SIGLEC14: variants seen among roughly 807,000 people sequenced by gnomAD.
SIGLEC14 encodes the protein sialic acid-binding Ig-like lectin 14.
Under a neutral mutation model 34.2 loss-of-function variants are expected in SIGLEC14, and 11 were observed. The ratio of observed to expected loss-of-function variants is 0.32; its 90% CI spans 0.20 to 0.53. The LOEUF is 0.53. Ranked by LOEUF, SIGLEC14 falls within the 20% of genes least tolerant of loss-of-function variation. The pLI, the probability that SIGLEC14 is intolerant of heterozygous loss-of-function variation, is 0.95. For missense variants in SIGLEC14, 264 were observed against 439.0 expected (o/e 0.60, Z 3.56); for synonymous variants, 99 against 179.7 (o/e 0.55, Z 3.59).
In SIGLEC14 at chr19:51,641,964, T is replaced by C. The variant is rs751373208; in HGVS notation, c.*1391A>G. 7.6e-6 allele frequency among the ~76,000 whole-genome samples: 1 copy of C among 132,126 alleles called. No homozygotes were observed. The highest frequency in any genetic ancestry group is 1.6e-5 in the Non-Finnish European group (1 of 63,236). 86.7% of individuals were successfully genotyped at this position (132,126 alleles called of 152,430 possible). A position where few individuals can be genotyped will look rare whatever the true frequency, so the allele number is the denominator to read the frequency against. ...AAGTTAAAAAAAATCATATCAAGCA[T>C]GTGTATTTATTAAAATGGAACTTAA... On this transcript the variant is annotated 3_prime_UTR_variant, in exon 7 of 7. Transcript: ENST00000360844.
Position 51,639,660 on chromosome 19 carries a change from T to C in SIGLEC14, c.*3695A>G, listed in dbSNP as rs762935772. The C allele has an allele frequency of 5.7e-5, 8 of 139,144 alleles. 2 individuals carry two copies. Among genetic ancestry groups the C allele is most frequent in the Non-Finnish European group, 9.2e-5 (6 of 64,962 alleles). 8.6% of individuals were successfully genotyped at this position (139,144 alleles called of 1,614,324 possible). A position where few individuals can be genotyped will look rare whatever the true frequency, so the allele number is the denominator to read the frequency against. ...CCTTCTGTTTCTTTTATGAGAACAC[T>C]AATCCCATTCATGAAGGATGGCACC... On this transcript the variant is annotated 3_prime_UTR_variant, in exon 7 of 7. Transcript: ENST00000360844.
Position 51,641,801 on chromosome 19 carries a change from G to A in SIGLEC14, c.*1554C>T, listed in dbSNP as rs1983911314. Among the ~76,000 whole-genome samples the A allele has an allele frequency of 7.2e-6, 1 of 138,996 alleles. No individual in the cohort carries two copies. Among genetic ancestry groups the A allele is most frequent in the South Asian group, 2.4e-4 (1 of 4,094 alleles). The allele number at this position is 138,996 out of a possible 152,430, so 91.2% of individuals were successfully genotyped here. On this transcript the variant is annotated 3_prime_UTR_variant, in exon 7 of 7. Transcript: ENST00000360844. ...CACTGGGGCCTTTCAAAGGGTGGAAGGTGGGAGGAGGGAGAGGATGAGGAA... is the reference window on the plus strand; with the variant it reads ...CACTGGGGCCTTTCAAAGGGTGGAAAGTGGGAGGAGGGAGAGGATGAGGAA...
chr19:51,644,829 T>C (rs1218082855), intron 4 of SIGLEC14, among the ~76,000 whole-genome samples: 1 of 136,658 alleles, frequency 7.3e-6, no homozygotes, highest in Non-Finnish European at 1.6e-5. Flanking sequence ...TATAAAGTTG[T>C]GGGAGGCATC....
At chr19:51,643,483 G>GGGGGGGGCCCCCCCCCCC in intron 6 of SIGLEC14, 54 bp downstream of exon 6, 1 of 1,297,878 alleles carries the variant, frequency 7.7e-7, no homozygotes, top group Non-Finnish European at 1.0e-6. Context: ...GGGCAGGACA[G>GGGGGGGGCCCCCCCCCCC]CTCAGCCCCA....
In SIGLEC14 at chr19:51,646,511, A is replaced by C; in HGVS notation, c.167T>G (p.Leu56Arg). Residue 56 changes from leucine (L) to arginine (R), a missense_variant, in exon 2 of 7, where the codon CTC becomes CGC. By Grantham distance (102) the Leu-to-Arg change is moderately radical. Transcript: ENST00000360844. ...PWRSWYSSPP[L>R]YVYWFRDGEI... ...CCCGTCCCGGAACCAGTAGACGTAGAGTGGGGGAGAGGAATACCAGGATCT... is the reference window on the plus strand; with the variant it reads ...CCCGTCCCGGAACCAGTAGACGTAGCGTGGGGGAGAGGAATACCAGGATCT... The C allele has an allele frequency of 1.7e-6, 1 of 573,292 alleles. No homozygotes were observed. The highest frequency in any genetic ancestry group is 2.7e-6 in the Non-Finnish European group (1 of 366,600). 35.5% of individuals were successfully genotyped at this position (573,292 alleles called of 1,614,324 possible). A position where few individuals can be genotyped will look rare whatever the true frequency, so the allele number is the denominator to read the frequency against.
At chr19:51,645,398 G>A (rs1984009418) in intron 4 of SIGLEC14, 79 bp downstream of exon 4, 1 of 1,277,130 alleles carries the variant, frequency 7.8e-7, no homozygotes, top group Non-Finnish European at 1.1e-6. Flanking sequence ...GGTGAGGGAG[G>A]GTCTCCTCTC....
In SIGLEC14 at chr19:51,644,213, C is replaced by T. The variant is rs1321004941; in HGVS notation, c.755-177G>A. ...GGTCAGGCTACCAGAAAGAAGGTGG[C>T]TGAGCTGAGAAAAGACAGATGAGGA... On this transcript the variant is annotated intron_variant, in intron 4 of 6. Coordinates refer to ENST00000360844, the MANE Select transcript of SIGLEC14 (RefSeq NM_001098612.3). Among the ~76,000 whole-genome samples, 6 of 138,408 alleles carry T rather than the reference C, an allele frequency of 4.3e-5. 2 individuals carry two copies. Among genetic ancestry groups the T allele is most frequent in the African/African-American group, 1.7e-4 (6 of 36,316 alleles). The allele number at this position is 138,408 out of a possible 152,430, so 90.8% of individuals were successfully genotyped here.
rs541126419 is a variant in SIGLEC14 at position 51,641,653 on chromosome 19, G to T, written c.*1702C>A. 1.4e-5 allele frequency among the ~76,000 whole-genome samples: 2 copies of T among 139,288 alleles called. No individual in the cohort carries two copies. Among genetic ancestry groups the T allele is most frequent in the Non-Finnish European group, 3.1e-5 (2 of 64,986 alleles). The allele number at this position is 139,288 out of a possible 152,430, so 91.4% of individuals were successfully genotyped here. ...TATGTCCTTTGCAGGGACATGAGTG[G>T]AGCTGGAGACCATTATCCTCAGCAA... On this transcript the variant is annotated 3_prime_UTR_variant, in exon 7 of 7. Coordinates refer to ENST00000360844, the MANE Select transcript of SIGLEC14 (RefSeq NM_001098612.3).
intron 5 of SIGLEC14, 45 bp downstream of exon 5, chr19:51,643,734 T>C: frequency 6.6e-7 from 1 of 1,516,164 alleles, no homozygotes; most frequent in Non-Finnish European, 8.8e-7. Flanking sequence ...CCAACCTGAA[T>C]ACCTCACCGG....
rs572077107 is a variant in SIGLEC14 at position 51,645,611 on chromosome 19, C to G, written c.701-81G>C. ...TCCCGGGAGGGACCCAAGGAGGGGC[C>G]ACAGAAACCCACCAGGTGGGGACCG... On this transcript the variant is annotated intron_variant, in intron 3 of 6. Coordinates refer to ENST00000360844, the MANE Select transcript of SIGLEC14 (RefSeq NM_001098612.3). The G allele has an allele frequency of 3.0e-4, 433 of 1,461,072 alleles. 90 individuals carry two copies. In the African/African-American group the frequency reaches 6.1e-3, roughly 21 times the overall value. The allele number at this position is 1,461,072 out of a possible 1,614,324, so 90.5% of individuals were successfully genotyped here.
rs770562044 is a variant in SIGLEC14, at chr19:51,643,582, G to GC, written c.1102dup (p.Ala368GlyfsTer26). ...GAGGCCATAGGTGAGGAGGAAGCCA[G>GC]CCCCCATGAGAGCCCCCCTGATCAG... is the stretch of plus-strand genomic sequence containing the variant. On this transcript the variant is annotated frameshift_variant, in exon 6 of 7. Transcript: ENST00000360844. LOFTEE classifies it low-confidence loss of function (END_TRUNC). 2 of 1,529,324 alleles carry GC rather than the reference G, an allele frequency of 1.3e-6. No individual in the cohort carries two copies. Among genetic ancestry groups the GC allele is most frequent in the Admixed American group, 3.5e-5 (2 of 57,798 alleles). 94.7% of individuals were successfully genotyped at this position (1,529,324 alleles called of 1,614,324 possible).
chr19:51,642,300 C>T lies in SIGLEC14; in HGVS notation c.*1055G>A, dbSNP rs1199374774. On this transcript the variant is annotated 3_prime_UTR_variant, in exon 7 of 7. Coordinates refer to ENST00000360844, the MANE Select transcript of SIGLEC14 (RefSeq NM_001098612.3). The stretch of plus-strand genomic sequence containing the variant: ...TAACAACGTGGATAAACTGGGAAAA[C>T]CACACTGAAGAAATGAAAGCAGACC... Among the ~76,000 whole-genome samples, 2 of 138,546 alleles carry T rather than the reference C, an allele frequency of 1.4e-5. 1 individual carries two copies. Among genetic ancestry groups the T allele is most frequent in the Non-Finnish European group, 3.1e-5 (2 of 64,840 alleles). 90.9% of individuals were successfully genotyped at this position (138,546 alleles called of 152,430 possible).
At chr19:51,643,430 C>T in intron 6 of SIGLEC14, 33 bp from the exon 7 acceptor site, 1 of 1,478,000 alleles carries the variant, frequency 6.8e-7, no homozygotes, top group Non-Finnish European at 9.0e-7. Context: ...AGATCAGCAC[C>T]AGCCACTTCA....
intron 4 of SIGLEC14, among the ~76,000 whole-genome samples, chr19:51,644,411 G>A (rs1245190822): frequency 1.5e-5 from 2 of 137,740 alleles, no homozygotes; most frequent in Admixed American, 1.4e-4. Context: ...TTGGAGCATT[G>A]GGTGCCAGAT....
rs1248979679 is a variant in SIGLEC14 at position 51,639,886 on chromosome 19, A to G, written c.*3469T>C. On this transcript the variant is annotated 3_prime_UTR_variant, in exon 7 of 7. Coordinates refer to ENST00000360844, the MANE Select transcript of SIGLEC14 (RefSeq NM_001098612.3). ...TGCACTTAGGGAAATTAAAAGAAAA[A>G]CACCTGAAGTTTATAAAAGTTAAAT... 1 of 139,514 alleles carries G rather than the reference A, an allele frequency of 7.2e-6. No individual in the cohort carries two copies. The highest frequency in any genetic ancestry group is 2.7e-5 in the African/African-American group (1 of 36,784). 8.6% of individuals were successfully genotyped at this position (139,514 alleles called of 1,614,324 possible).
At chr19:51,645,586 T>A in intron 3 of SIGLEC14, 56 bp from the exon 4 acceptor site, 1 of 1,498,416 alleles carries the variant, frequency 6.7e-7, no homozygotes. Context: ...ATGGGCGTGG[T>A]CCCGGGAGGG....
At chr19:51,644,831 G>C (rs61335671) in intron 4 of SIGLEC14, among the ~76,000 whole-genome samples, 16,439 of 136,458 alleles carry the variant, frequency 0.12, 3,562 homozygotes, top group East Asian at 0.32. Flanking sequence ...TAAAGTTGTG[G>C]GAGGCATCAG....
rs1260805633 is a variant in SIGLEC14 at position 51,640,665 on chromosome 19, A to G, written c.*2690T>C. Among the ~76,000 whole-genome samples the G allele has an allele frequency of 7.1e-6, 1 of 139,932 alleles. No individual in the cohort carries two copies. Among genetic ancestry groups the G allele is most frequent in the Non-Finnish European group, 1.5e-5 (1 of 65,138 alleles). The allele number at this position is 139,932 out of a possible 152,430, so 91.8% of individuals were successfully genotyped here. ...AAGAAAATCACAGGAACAAAAAGTG[A>G]TGTTACATAATGTAAAACAGTTGAT... On this transcript the variant is annotated 3_prime_UTR_variant, in exon 7 of 7. Coordinates refer to ENST00000360844, the MANE Select transcript of SIGLEC14 (RefSeq NM_001098612.3).
chr19:51,644,217 G>A lies in SIGLEC14; in HGVS notation c.755-181C>T, dbSNP rs984763135. Among the ~76,000 whole-genome samples, 2 of 138,706 alleles carry A rather than the reference G, an allele frequency of 1.4e-5. 1 individual carries two copies. The highest frequency in any genetic ancestry group is 4.8e-4 in the South Asian group (2 of 4,128). The allele number at this position is 138,706 out of a possible 152,430, so 91.0% of individuals were successfully genotyped here. A position where few individuals can be genotyped will look rare whatever the true frequency, so the allele number is the denominator to read the frequency against. ...AGGCTACCAGAAAGAAGGTGGCTGAGCTGAGAAAAGACAGATGAGGAGGAG... is the reference window on the plus strand; with the variant it reads ...AGGCTACCAGAAAGAAGGTGGCTGAACTGAGAAAAGACAGATGAGGAGGAG... On this transcript the variant is annotated intron_variant, in intron 4 of 6. Coordinates refer to ENST00000360844, the MANE Select transcript of SIGLEC14 (RefSeq NM_001098612.3).
Sources: allele counts gnomAD v4.1 joint callset (sites outside exome capture counted in the v4.1 genomes callset), GRCh38; gene constraint gnomAD v4.1.1; transcripts MANE v1.5; gene names NCBI Gene and HGNC (gene_info 2026-07-23, HGNC 2026-07-21).